Variants in CRB1 observed in about 807,000 individuals in gnomAD.
CRB1 encodes the protein crumbs cell polarity complex component 1.
A neutral mutation model predicts 120.0 loss-of-function variants in CRB1; 83 were observed. That is an observed-to-expected ratio of 0.69 (90% CI 0.58 to 0.83). The LOEUF (loss-of-function observed/expected upper bound fraction) is 0.83, where lower values mean the gene tolerates loss of function less well. Among genes scored for constraint, CRB1 ranks in the 40% least tolerant of loss-of-function variants. The pLI is 0.00. For synonymous variants in CRB1, 625 were observed against 612.5 expected (o/e 1.02, Z -0.30); for missense variants, 1,699 against 1,687.6 (o/e 1.01, Z -0.12).
At chr1:197,202,058 G>A in the CRB1 span, among the ~76,000 whole-genome samples, 2 of 152,066 alleles carry the variant, frequency 1.3e-5, no homozygotes, top group South Asian at 2.1e-4. Context: ...GAAGCGCAAG[G>A]TCCTAGAGCG....
chr1:197,441,285 T>C (rs147754852), intron 10 of CRB1: 125 of 152,358 alleles, frequency 8.2e-4, no homozygotes, highest in African/African-American at 2.7e-3. Flanking sequence ...AGAGTGTTTG[T>C]CACATAGTAT....
At chr1:197,244,612 A>G in the CRB1 span, among the ~76,000 whole-genome samples, 1 of 151,946 alleles carries the variant, frequency 6.6e-6, no homozygotes, top group African/African-American at 2.4e-5. Context: ...TTAATTTTCA[A>G]AACTTTGTCA....
chr1:197,242,501 C>T, the CRB1 span, among the ~76,000 whole-genome samples: 17 of 152,130 alleles, frequency 1.1e-4, 1 homozygote, highest in African/African-American at 3.9e-4. Context: ...ACATGTTGAA[C>T]GAGTCTTGCA....
At chr1:197,468,264 C>T (rs1666834405) in intron 11 of CRB1, among the ~76,000 whole-genome samples, 1 of 152,006 alleles carries the variant, frequency 6.6e-6, no homozygotes, top group Admixed American at 6.6e-5. Context: ...AAACTAACAC[C>T]ACCCATATGG....
chr1:197,284,887 G>A (rs1318361727), intron 1 of CRB1, among the ~76,000 whole-genome samples: 1 of 151,892 alleles, frequency 6.6e-6, no homozygotes. Context: ...CAAAATGATT[G>A]TTGCTAAAAT....
intron 5 of CRB1, among the ~76,000 whole-genome samples, chr1:197,407,981 C>T (rs1222132606): frequency 6.6e-6 from 1 of 152,102 alleles, no homozygotes; most frequent in Non-Finnish European, 1.5e-5. Context: ...ATTTTGATTA[C>T]AGCATTTCAC....
At chr1:197,451,986 A>G in intron 11 of CRB1, among the ~76,000 whole-genome samples, 1 of 152,214 alleles carries the variant, frequency 6.6e-6, no homozygotes, top group Non-Finnish European at 1.5e-5. Context: ...TGACTCCATA[A>G]TAGATGCCTG....
chr1:197,351,332 C>A (rs1660086201), intron 4 of CRB1, among the ~76,000 whole-genome samples: 1 of 134,590 alleles, frequency 7.4e-6, no homozygotes, highest in African/African-American at 3.0e-5. Flanking sequence ...TGCACTCCAG[C>A]CTGTACTCCA....
At chr1:197,402,808 T>G (rs973893039) in intron 5 of CRB1, among the ~76,000 whole-genome samples, 2 of 152,220 alleles carry the variant, frequency 1.3e-5, no homozygotes, top group African/African-American at 4.8e-5. Context: ...TCTGTATAAC[T>G]AATTCCTAGA....
chr1:197,407,039 A>G (rs1663447398), intron 5 of CRB1, among the ~76,000 whole-genome samples: 1 of 152,192 alleles, frequency 6.6e-6, no homozygotes, highest in Non-Finnish European at 1.5e-5. Flanking sequence ...TATTTATTAA[A>G]TTGGCTTGCC....
At chr1:197,238,458 T>A in the CRB1 span, among the ~76,000 whole-genome samples, 2 of 152,164 alleles carry the variant, frequency 1.3e-5, no homozygotes, top group Non-Finnish European at 2.9e-5. Context: ...TCTCTCACCT[T>A]AAATATTTTT....
At chr1:197,221,685 A>G in the CRB1 span, among the ~76,000 whole-genome samples, 1 of 152,112 alleles carries the variant, frequency 6.6e-6, no homozygotes. Flanking sequence ...CTTTGTCATT[A>G]AGAGGACTTT....
chr1:197,391,351 G>A (rs770336619), intron 5 of CRB1, among the ~76,000 whole-genome samples: 4 of 152,106 alleles, frequency 2.6e-5, no homozygotes, highest in African/African-American at 4.8e-5. Context: ...TGATAGAGGG[G>A]CAAAGAGTCT....
intron 2 of CRB1, among the ~76,000 whole-genome samples, chr1:197,342,495 A>T (rs1172356523): frequency 6.6e-6 from 1 of 152,102 alleles, no homozygotes; most frequent in Non-Finnish European, 1.5e-5. Context: ...TCCACTTCAA[A>T]TATTTATTAC....
At chr1:197,343,873 C>T (rs1004601184) in intron 2 of CRB1, among the ~76,000 whole-genome samples, 11 of 152,164 alleles carry the variant, frequency 7.2e-5, no homozygotes, top group Admixed American at 2.0e-4. Context: ...GCCAGGATCC[C>T]GACCCAACTG....
intron 1 of CRB1, among the ~76,000 whole-genome samples, chr1:197,319,432 CAAAAAA>C (rs10646084): frequency 7.4e-5 from 2 of 27,096 alleles, no homozygotes; most frequent in African/African-American, 1.7e-4. Flanking sequence ...GACTCCATCT[CAAAAAA>C]AAAAAAAAAA....
intron 5 of CRB1, among the ~76,000 whole-genome samples, chr1:197,404,429 G>C (rs947793027): frequency 8.4e-6 from 1 of 119,046 alleles, no homozygotes; most frequent in African/African-American, 3.7e-5. Flanking sequence ...GCGACAGAGC[G>C]AGACTCCGTC....
chr1:197,415,660 T>G (rs1289897291), intron 5 of CRB1, among the ~76,000 whole-genome samples: 1 of 84,538 alleles, frequency 1.2e-5, no homozygotes, highest in Non-Finnish European at 2.2e-5. Flanking sequence ...TTTTTTTTTT[T>G]GAGACAGAGT....
intron 11 of CRB1, among the ~76,000 whole-genome samples, chr1:197,458,033 G>A (rs1666361248): frequency 1.3e-5 from 2 of 152,024 alleles, no homozygotes; most frequent in Admixed American, 1.3e-4. Flanking sequence ...GTAGAAAAGG[G>A]AAATTCTGGA....
Sources: gnomAD v4.1 joint callset for allele counts (sites outside exome capture counted in the v4.1 genomes callset) on GRCh38, gnomAD v4.1.1 for gene constraint, MANE v1.5 for transcripts, NCBI Gene and HGNC (gene_info 2026-07-23, HGNC 2026-07-21) for gene names.